FIP1L1: variants seen among roughly 807,000 people sequenced by gnomAD.
The protein encoded by FIP1L1 is pre-mRNA 3'-end-processing factor FIP1.
FIP1L1 carries 21 observed loss-of-function variants against 84.6 expected under a neutral mutation model. The ratio of observed to expected loss-of-function variants is 0.25; its 90% CI spans 0.18 to 0.36. FIP1L1 has a LOEUF of 0.36. Ranked by LOEUF, FIP1L1 falls within the 10% of genes least tolerant of loss-of-function variation. The pLI, the probability that FIP1L1 is intolerant of heterozygous loss-of-function variation, is 1.00. For missense variants in FIP1L1, 526 were observed against 751.1 expected (o/e 0.70, Z 3.50); for synonymous variants, 263 against 242.3 (o/e 1.09, Z -0.80).
Position 53,460,223 on chromosome 4 carries a change from T to A in FIP1L1, c.*774T>A. The stretch of plus-strand genomic sequence containing the variant: ...CCCACTGGTGGAGCAGCATGAGTTT[T>A]TATACAGTTACTAACGATTGTGGAA... On this transcript the variant is annotated 3_prime_UTR_variant, in exon 18 of 18. Coordinates refer to ENST00000337488, the MANE Select transcript of FIP1L1 (RefSeq NM_030917.4). The A allele has an allele frequency of 5.1e-6, 1 of 195,214 alleles. No homozygotes were observed. 12.1% of individuals were successfully genotyped at this position (195,214 alleles called of 1,614,324 possible). A position where few individuals can be genotyped will look rare whatever the true frequency, so the allele number is the denominator to read the frequency against.
intron 11 of FIP1L1, among the ~76,000 whole-genome samples, chr4:53,420,112 G>A (rs1263745996): frequency 1.3e-4 from 19 of 149,354 alleles, no homozygotes; most frequent in South Asian, 4.3e-4. Context: ...GCAGGAGAAT[G>A]GCGTGAACCC....
intron 5 of FIP1L1, among the ~76,000 whole-genome samples, chr4:53,387,533 G>A (rs1741754206): frequency 6.6e-6 from 1 of 152,174 alleles, no homozygotes; most frequent in Non-Finnish European, 1.5e-5. Context: ...GGATCTATTG[G>A]ACATTATATC....
At chr4:53,418,800 G>C (rs2149830903) in intron 11 of FIP1L1, among the ~76,000 whole-genome samples, 1 of 152,284 alleles carries the variant, frequency 6.6e-6, no homozygotes, top group East Asian at 1.9e-4. Flanking sequence ...AAACATGCAT[G>C]TATTTCTTCT....
chr4:53,390,422 C>A, intron 6 of FIP1L1, 99 bp from the exon 7 acceptor site: 1 of 700,788 alleles, frequency 1.4e-6, no homozygotes, highest in South Asian at 1.9e-5. Flanking sequence ...TGTATATGTG[C>A]CAGGAATAGT....
At chr4:53,380,893 C>T (rs1737505445) in intron 3 of FIP1L1, among the ~76,000 whole-genome samples, 1 of 152,140 alleles carries the variant, frequency 6.6e-6, no homozygotes, top group South Asian at 2.1e-4. Context: ...ATATGATAAT[C>T]TTTATCCCAT....
At chr4:53,430,914 A>G (rs1766367584) in intron 13 of FIP1L1, among the ~76,000 whole-genome samples, 1 of 152,232 alleles carries the variant, frequency 6.6e-6, no homozygotes, top group East Asian at 1.9e-4. Context: ...TAACTGGTAT[A>G]TGTGCTGAGC....
At chr4:53,398,087 G>A (rs995939414) in intron 9 of FIP1L1, among the ~76,000 whole-genome samples, 1 of 151,666 alleles carries the variant, frequency 6.6e-6, no homozygotes, top group Non-Finnish European at 1.5e-5. Flanking sequence ...TTATTATATT[G>A]CTCTGATTGT....
intron 10 of FIP1L1, among the ~76,000 whole-genome samples, chr4:53,402,994 T>C (rs996112845): frequency 2.0e-5 from 3 of 152,114 alleles, no homozygotes; most frequent in African/African-American, 7.2e-5. Flanking sequence ...GGCAAAATAA[T>C]ATGCACACTT....
intron 16 of FIP1L1, among the ~76,000 whole-genome samples, chr4:53,456,739 C>T (rs1196471167): frequency 2.6e-5 from 4 of 151,996 alleles, no homozygotes; most frequent in African/African-American, 9.7e-5. Context: ...GGTTCAGCCA[C>T]TTATCAGAAA....
At chr4:53,452,658 T>G (rs1207322859) in intron 15 of FIP1L1, among the ~76,000 whole-genome samples, 2 of 152,200 alleles carry the variant, frequency 1.3e-5, no homozygotes, top group Non-Finnish European at 2.9e-5. Flanking sequence ...GTATTCTGGT[T>G]TCCATTTTTT....
intron 10 of FIP1L1, among the ~76,000 whole-genome samples, chr4:53,409,000 A>G (rs1755499766): frequency 6.6e-6 from 1 of 152,182 alleles, no homozygotes; most frequent in Non-Finnish European, 1.5e-5. Context: ...CAACTCGTCA[A>G]AGGCATTCTC....
rs1442236241 is a variant in FIP1L1, at chr4:53,458,668, C to T, written c.1515C>T (p.Tyr505=). 3 of 1,611,300 alleles carry T rather than the reference C, an allele frequency of 1.9e-6. No individual in the cohort carries two copies. The African/African-American group carries it at 4.0e-5, about 22-fold the overall frequency. ...PSVFNSDEER[Y]RYREYAERGY... Reference sequence around the variant, plus strand: ...TCAATTTCAGCGATGAAGAACGATACAGATACAGGGAATATGCAGAAAGAG... The same window carrying T: ...TCAATTTCAGCGATGAAGAACGATATAGATACAGGGAATATGCAGAAAGAG... The change falls in exon 17 of 18, where the codon TAC becomes TAT. Residue 505 remains tyrosine (Y), a synonymous_variant. Coordinates refer to ENST00000337488, the MANE Select transcript of FIP1L1 (RefSeq NM_030917.4).
intron 5 of FIP1L1, among the ~76,000 whole-genome samples, chr4:53,385,767 A>G (rs1055429602): frequency 3.9e-5 from 6 of 152,142 alleles, no homozygotes; most frequent in African/African-American, 1.4e-4. Context: ...GCTTGAACTC[A>G]TATCCCTCTA....
intron 10 of FIP1L1, among the ~76,000 whole-genome samples, chr4:53,412,104 T>C (rs1398522659): frequency 6.6e-6 from 1 of 152,112 alleles, no homozygotes; most frequent in Non-Finnish European, 1.5e-5. Context: ...ACAAATAACT[T>C]CCATATACTG....
intron 11 of FIP1L1, among the ~76,000 whole-genome samples, chr4:53,422,795 T>G (rs1319127627): frequency 6.6e-6 from 1 of 151,938 alleles, no homozygotes; most frequent in Non-Finnish European, 1.5e-5. Context: ...GTTTACTGCA[T>G]CCTTCATCTC....
intron 4 of FIP1L1, 131 bp from the exon 5 acceptor site, chr4:53,383,642 A>G (rs1394570335): frequency 2.3e-6 from 2 of 866,670 alleles, no homozygotes; most frequent in African/African-American, 1.7e-5. Context: ...AGCCGGGGCG[A>G]CAAAGTGAGA....
At chr4:53,417,197 A>G (rs1433510151) in intron 11 of FIP1L1, among the ~76,000 whole-genome samples, 2 of 152,292 alleles carry the variant, frequency 1.3e-5, no homozygotes, top group South Asian at 2.1e-4. Context: ...TGCTTTATGT[A>G]TAGCAACTCC....
intron 13 of FIP1L1, among the ~76,000 whole-genome samples, chr4:53,430,521 G>A (rs1447762143): frequency 1.3e-5 from 2 of 151,312 alleles, no homozygotes; most frequent in African/African-American, 4.9e-5. Context: ...TGTATTTTTT[G>A]TAGAGATGGT....
chr4:53,377,946 C>G, intron 1 of FIP1L1, 23 bp downstream of exon 1: 1 of 1,544,642 alleles, frequency 6.5e-7, no homozygotes, highest in Non-Finnish European at 8.8e-7. Flanking sequence ...CTGTCTCTGT[C>G]TCTCGGGTTC....
Sources: gnomAD v4.1 joint callset for allele counts (sites outside exome capture counted in the v4.1 genomes callset) on GRCh38, gnomAD v4.1.1 for gene constraint, MANE v1.5 for transcripts, NCBI Gene and HGNC (gene_info 2026-07-23, HGNC 2026-07-21) for gene names.